ARMCX4: variants seen among roughly 807,000 people sequenced by gnomAD.
ARMCX4 encodes the protein armadillo repeat-containing X-linked protein 4.
A neutral mutation model predicts 34.7 loss-of-function variants in ARMCX4; 3 were observed. The ratio of observed to expected loss-of-function variants is 0.09; its 90% CI spans 0.04 to 0.22. The LOEUF is 0.22. ARMCX4 is among the 10% of genes least tolerant of loss of function. ARMCX4 has a pLI of 1.00. For synonymous variants in ARMCX4, 513 were observed against 632.8 expected, an observed-to-expected ratio of 0.81 and a Z score of 2.84; for missense variants, 1,448 against 1,720.8, an observed-to-expected ratio of 0.84 and a Z score of 2.81.
At chrX:101,526,946 ATC>A (rs1934989014) in intron 11 of ARMCX4, among the ~76,000 whole-genome samples, 1 of 111,889 alleles carries the variant, frequency 8.9e-6, no homozygotes, top group East Asian at 2.8e-4. Context: ...TAAGAAGGAT[ATC>A]CAGGACTTGA....
In ARMCX4 at chrX:101,495,151, T is replaced by C. The variant is rs781944826; in HGVS notation, c.6562T>C (p.Leu2188=). 16 of 1,154,705 alleles carry C rather than the reference T, an allele frequency of 1.4e-5. No individual in the cohort carries two copies. The South Asian group carries it at 3.0e-4, about 22-fold the overall frequency. The change falls in exon 6 of 6, where the codon TTG becomes CTG. Residue 2188 remains leucine (L), a synonymous_variant. Coordinates refer to ENST00000423738, the MANE Select transcript of ARMCX4 (RefSeq NM_001256155.3). ...TAAAGACCATGTTTTGGGAATGCTTTTGAATTTCTCTAAAAATCCATCTAT... is the reference window on the plus strand; with the variant it reads ...TAAAGACCATGTTTTGGGAATGCTTCTGAATTTCTCTAAAAATCCATCTAT... ...ETKDHVLGML[L]NFSKNPSMTK...
In ARMCX4 at chrX:101,495,714, G is replaced by A. The variant is rs1556011691; in HGVS notation, c.*252G>A. 2 of 271,273 alleles carry A rather than the reference G, an allele frequency of 7.4e-6. No individual in the cohort carries two copies. Among genetic ancestry groups the A allele is most frequent in the African/African-American group, 5.6e-5 (2 of 36,034 alleles). 22.4% of individuals were successfully genotyped at this position (271,273 alleles called of 1,213,427 possible). ...ACTGAATGGATTCTTCATAAGTAAGGTAATCTTTGGTCCTTTGTGTGGACT... is the reference window on the plus strand; with the variant it reads ...ACTGAATGGATTCTTCATAAGTAAGATAATCTTTGGTCCTTTGTGTGGACT... On this transcript the variant is annotated 3_prime_UTR_variant, in exon 6 of 6. Coordinates refer to ENST00000423738, the MANE Select transcript of ARMCX4 (RefSeq NM_001256155.3).
intron 11 of ARMCX4, among the ~76,000 whole-genome samples, chrX:101,526,165 T>A (rs1569350749): frequency 9.0e-6 from 1 of 111,452 alleles, no homozygotes; most frequent in Non-Finnish European, 1.9e-5. Flanking sequence ...CAGAAGAGAG[T>A]GGGGGCCAAT....
chrX:101,527,275 T>G (rs1187042515), intron 11 of ARMCX4, among the ~76,000 whole-genome samples: 1 of 111,756 alleles, frequency 8.9e-6, no homozygotes, highest in East Asian at 2.8e-4. Context: ...AGATGTTCTT[T>G]GAAACCAATG....
intron 7 of ARMCX4, among the ~76,000 whole-genome samples, chrX:101,503,712 A>G (rs1823946434): frequency 9.0e-6 from 1 of 111,320 alleles, no homozygotes; most frequent in African/African-American, 3.3e-5. Flanking sequence ...GTAGATTGCA[A>G]AAATTTTCTC....
At chrX:101,507,908 A>G (rs1295223041) in intron 8 of ARMCX4, among the ~76,000 whole-genome samples, 1 of 112,613 alleles carries the variant, frequency 8.9e-6, no homozygotes, top group African/African-American at 3.2e-5. Context: ...TGGTGGTCCC[A>G]TAAGATTATA....
At chrX:101,458,492 C>T (rs782409183) in intron 4 of ARMCX4, among the ~76,000 whole-genome samples, 13 of 109,009 alleles carry the variant, frequency 1.2e-4, no homozygotes, top group African/African-American at 4.0e-4. Context: ...ACAGTCAAAG[C>T]TTCCTTTAAT....
downstream of ARMCX4, among the ~76,000 whole-genome samples, chrX:101,533,915 C>T (rs782265364): frequency 1.8e-4 from 20 of 110,991 alleles, 1 homozygote; most frequent in Non-Finnish European, 3.2e-4. Flanking sequence ...TTATCATTAC[C>T]ACAAATGAAG....
chrX:101,523,654 A>G (rs1934901454), intron 11 of ARMCX4, among the ~76,000 whole-genome samples: 1 of 111,785 alleles, frequency 8.9e-6, no homozygotes. Flanking sequence ...CAAGCAAACA[A>G]CAACAATCTC....
Position 101,489,474 on chromosome X carries a change from T to C in ARMCX4, c.885T>C (p.Gly295=). Residue 295 remains glycine (G), a synonymous_variant, in exon 6 of 6, where the codon GGT becomes GGC. Coordinates refer to ENST00000423738, the MANE Select transcript of ARMCX4 (RefSeq NM_001256155.3). ...VTKIQGDDMP[G]TGVEDMGNCK... Reference sequence around the variant, plus strand: ...AGATCCAGGGTGATGACATGCCTGGTACTGGGGTTGAGGACATGGGGAATT... The same window carrying C: ...AGATCCAGGGTGATGACATGCCTGGCACTGGGGTTGAGGACATGGGGAATT... 1 of 1,154,897 alleles carries C rather than the reference T, an allele frequency of 8.7e-7. No homozygotes were observed. Among genetic ancestry groups the C allele is most frequent in the East Asian group, 3.3e-5 (1 of 30,767 alleles).
Position 101,454,423 on chromosome X carries a change from C to T in ARMCX4, c.-473+8379C>T, listed in dbSNP as rs1932158636. Among the ~76,000 whole-genome samples the T allele has an allele frequency of 2.8e-5, 3 of 108,378 alleles. No homozygotes were observed. In the Admixed American group the frequency reaches 3.0e-4, roughly 11 times the overall value. 94.1% of individuals were successfully genotyped at this position (108,378 alleles called of 115,157 possible). A position where few individuals can be genotyped will look rare whatever the true frequency, so the allele number is the denominator to read the frequency against. Reference sequence around the variant, plus strand: ...CCCGAGTAGCTGGGACTATAGGTGCCTGCCACCACGCCCAGCTATTTGTTT... The same window carrying T: ...CCCGAGTAGCTGGGACTATAGGTGCTTGCCACCACGCCCAGCTATTTGTTT... On this transcript the variant is annotated intron_variant and NMD_transcript_variant, in intron 4 of 15. Coordinates refer to the ARMCX4 transcript ENST00000433011.
At chrX:101,452,185 A>G (rs1932024141), downstream of ARMCX4, among the ~76,000 whole-genome samples, 1 of 112,317 alleles carries the variant, frequency 8.9e-6, no homozygotes, top group South Asian at 3.7e-4. Flanking sequence ...CAGTTGGTCT[A>G]TAACAAAGAT....
intron 2 of ARMCX4, among the ~76,000 whole-genome samples, chrX:101,438,203 T>C (rs1293706636): frequency 9.0e-6 from 1 of 111,417 alleles, no homozygotes; most frequent in African/African-American, 3.3e-5. Flanking sequence ...CTGAGTTCAA[T>C]TCCTGTATAT....
intron 2 of ARMCX4, among the ~76,000 whole-genome samples, chrX:101,438,786 T>C (rs1412138559): frequency 9.0e-6 from 1 of 111,169 alleles, no homozygotes; most frequent in Non-Finnish European, 1.9e-5. Flanking sequence ...GAGACTAGGA[T>C]TGCAACCCCT....
At chrX:101,535,944 G>A (rs192625800), downstream of ARMCX4, among the ~76,000 whole-genome samples, 328 of 111,323 alleles carry the variant, frequency 2.9e-3, no homozygotes, top group African/African-American at 9.1e-3. Flanking sequence ...TCTACTATGT[G>A]TTACATGTGT....
intron 11 of ARMCX4, among the ~76,000 whole-genome samples, chrX:101,527,939 C>T (rs1935017471): frequency 8.9e-6 from 1 of 111,946 alleles, no homozygotes; most frequent in African/African-American, 3.2e-5. Flanking sequence ...TGAAACTATT[C>T]CAATCAATAG....
chrX:101,530,173 T>A (rs1178508214), intron 11 of ARMCX4, among the ~76,000 whole-genome samples: 1 of 112,142 alleles, frequency 8.9e-6, no homozygotes, highest in Non-Finnish European at 1.9e-5. Context: ...GATTAGTTCA[T>A]GTCCTTTGTA....
chrX:101,526,498 G>A (rs1433103229), intron 11 of ARMCX4, among the ~76,000 whole-genome samples: 1 of 112,001 alleles, frequency 8.9e-6, no homozygotes, highest in African/African-American at 3.2e-5. Flanking sequence ...AACCTTAAAT[G>A]TAAATGGGCT....
At chrX:101,469,839 C>T (rs782806831) in intron 4 of ARMCX4, among the ~76,000 whole-genome samples, 1 of 111,328 alleles carries the variant, frequency 9.0e-6, no homozygotes, top group Non-Finnish European at 1.9e-5. Flanking sequence ...CATGCCCACC[C>T]ACCAGTGCAC....
Sources: allele counts gnomAD v4.1 joint callset (sites outside exome capture counted in the v4.1 genomes callset), GRCh38; gene constraint gnomAD v4.1.1; transcripts MANE v1.5; gene names NCBI Gene and HGNC (gene_info 2026-07-23, HGNC 2026-07-21).